The following RHCG variants were observed in gnomAD, a reference collection of about 807,000 sequenced individuals.
RHCG encodes the protein Rh family C glycoprotein.
A neutral mutation model predicts 55.3 loss-of-function variants in RHCG; 39 were observed. The ratio of observed to expected loss-of-function variants is 0.70; its 90% CI spans 0.55 to 0.92. RHCG has a LOEUF of 0.92. Ranked by LOEUF, RHCG falls within the 40% of genes least tolerant of loss-of-function variation. The pLI is 0.00. For synonymous variants in RHCG, 250 were observed against 246.8 expected, an observed-to-expected ratio of 1.01 and a Z score of -0.12; for missense variants, 635 against 627.9, an observed-to-expected ratio of 1.01 and a Z score of -0.12.
chr15:89,486,698 G>A (rs1961376833), intron 2 of RHCG, 101 bp downstream of exon 2: 1 of 1,225,202 alleles, frequency 8.2e-7, no homozygotes, highest in Admixed American at 2.1e-5. Context: ...CCAGCCTCAA[G>A]CCCGGGTCCC....
chr15:89,487,975 C>A (rs536229522), intron 1 of RHCG, among the ~76,000 whole-genome samples: 2 of 152,294 alleles, frequency 1.3e-5, no homozygotes, highest in African/African-American at 4.8e-5. Flanking sequence ...ATCTTAACTG[C>A]CCTCTCAGCG....
intron 9 of RHCG, among the ~76,000 whole-genome samples, chr15:89,473,967 T>C (rs1225788980): frequency 6.6e-6 from 1 of 152,232 alleles, no homozygotes; most frequent in Admixed American, 6.5e-5. Context: ...TGGTTTCTAA[T>C]TGTGGTGTCT....
chr15:89,491,971 G>T (rs12440073), intron 1 of RHCG, among the ~76,000 whole-genome samples: 2,914 of 152,246 alleles, frequency 0.019, 59 homozygotes, highest in African/African-American at 0.042. Context: ...AAAGCCCTAT[G>T]CGAAGGCAGC....
chr15:89,476,557 C>T (rs1961152856), intron 9 of RHCG, among the ~76,000 whole-genome samples, 198 bp downstream of exon 9: 1 of 152,216 alleles, frequency 6.6e-6, no homozygotes, highest in South Asian at 2.1e-4. Flanking sequence ...ACATCACCCA[C>T]TCCAAGCCCT....
chr15:89,486,891 G>A lies in RHCG; in HGVS notation c.279C>T (p.Phe93=), dbSNP rs377472795. Residue 93 remains phenylalanine (F), a synonymous_variant, in exon 2 of 11, where the codon TTC becomes TTT. Transcript: ENST00000268122. ...RYGFSAVGFN[F]LLAAFGIQWA... ...ACTGGATGCCGAAGGCTGCCAACAG[G>A]AAGTTGAAGCCCACGGCGCTGAAGC... 6.2e-7 allele frequency: 1 copy of A among 1,613,030 alleles called. No homozygotes were observed. Among genetic ancestry groups the A allele is most frequent in the African/African-American group, 1.3e-5 (1 of 75,044 alleles).
chr15:89,472,418 A>C (rs1961055670), intron 10 of RHCG, among the ~76,000 whole-genome samples: 1 of 152,180 alleles, frequency 6.6e-6, no homozygotes, highest in Admixed American at 6.5e-5. Flanking sequence ...TCTCAAAGTC[A>C]CACACCAGCA....
intron 4 of RHCG, 50 bp from the exon 5 acceptor site, chr15:89,479,538 A>ACAGCC: frequency 6.6e-7 from 1 of 1,508,984 alleles, no homozygotes; most frequent in Non-Finnish European, 9.0e-7. Flanking sequence ...GGCATTAGAT[A>ACAGCC]CAGCCCCACA....
chr15:89,477,484 AG>A lies in RHCG; in HGVS notation c.1112+32del, dbSNP rs749280857. 6.2e-7 allele frequency: 1 copy of A among 1,610,382 alleles called. No individual in the cohort carries two copies. ...GAAGGGATGGGAGAAGGAAGGGGGA[AG>A]CTCCATCCCACCGCACCTCCTCCAC... On this transcript the variant is annotated intron_variant, in intron 7 of 10. Transcript: ENST00000268122. The surrounding 1 kb of genome is among the most constrained non-coding windows in gnomAD (Gnocchi z 4.5).
At chr15:89,473,983 A>G (rs1167677886) in intron 9 of RHCG, among the ~76,000 whole-genome samples, 1 of 152,252 alleles carries the variant, frequency 6.6e-6, no homozygotes. Context: ...TGTCTAAAAT[A>G]GTTTAAGTTC....
intron 9 of RHCG, among the ~76,000 whole-genome samples, chr15:89,476,093 A>G (rs1961145014): frequency 7.2e-6 from 1 of 139,660 alleles, no homozygotes; most frequent in African/African-American, 2.8e-5. Context: ...CTCTCTCGGG[A>G]TCTTGCTCTA....
At chr15:89,484,093 G>A (rs1424799378) in intron 2 of RHCG, among the ~76,000 whole-genome samples, 2 of 152,126 alleles carry the variant, frequency 1.3e-5, no homozygotes, top group African/African-American at 4.8e-5. Context: ...GTGGGTGGGG[G>A]GTCTGTCACA....
intron 9 of RHCG, among the ~76,000 whole-genome samples, chr15:89,476,267 C>G (rs1290963179): frequency 6.6e-6 from 1 of 152,094 alleles, no homozygotes; most frequent in African/African-American, 2.4e-5. Context: ...ACAGAGTCTC[C>G]CTATGTTGCC....
rs933447567 is a variant in RHCG, at chr15:89,480,195, T to G, written c.670+66A>C. 35 of 1,599,800 alleles carry G rather than the reference T, an allele frequency of 2.2e-5. No individual in the cohort carries two copies. In the African/African-American group the frequency reaches 4.4e-4, roughly 20 times the overall value. Reference sequence around the variant, plus strand: ...CATGGTGGCCTTCACCCATCATGGCTGCCTTCACCCATCATGGCCACCTTC... The same window carrying G: ...CATGGTGGCCTTCACCCATCATGGCGGCCTTCACCCATCATGGCCACCTTC... On this transcript the variant is annotated intron_variant, in intron 4 of 10. Transcript: ENST00000268122.
intron 1 of RHCG, among the ~76,000 whole-genome samples, chr15:89,491,973 G>A (rs979111791): frequency 1.3e-5 from 2 of 152,176 alleles, no homozygotes; most frequent in Non-Finnish European, 2.9e-5. Flanking sequence ...AGCCCTATGC[G>A]AAGGCAGCTG....
intron 9 of RHCG, among the ~76,000 whole-genome samples, chr15:89,473,324 G>C (rs1002552889): frequency 5.3e-5 from 8 of 152,138 alleles, no homozygotes; most frequent in Admixed American, 1.3e-4. Flanking sequence ...TGCAGGGAAG[G>C]CCAGAAGTGG....
chr15:89,473,312 G>T (rs1469775288), intron 9 of RHCG, among the ~76,000 whole-genome samples: 2 of 152,180 alleles, frequency 1.3e-5, no homozygotes, highest in Non-Finnish European at 2.9e-5. Flanking sequence ...GGGTGGGGAA[G>T]GTGCAGGGAA....
intron 3 of RHCG, among the ~76,000 whole-genome samples, chr15:89,482,004 G>T (rs965028583): frequency 7.9e-5 from 12 of 152,220 alleles, no homozygotes; most frequent in African/African-American, 2.9e-4. Context: ...GTTTCGCCAT[G>T]TTGGCCAGGC....
At chr15:89,476,606 C>T in intron 9 of RHCG, 149 bp downstream of exon 9, 1 of 657,572 alleles carries the variant, frequency 1.5e-6, no homozygotes, top group Non-Finnish European at 2.7e-6. Flanking sequence ...CCATGAGACA[C>T]AGCCTCCCCC....
At chr15:89,485,341 T>C (rs17807856) in intron 2 of RHCG, among the ~76,000 whole-genome samples, 46,440 of 152,152 alleles carry the variant, frequency 0.31, 7,892 homozygotes, top group Admixed American at 0.36. Context: ...GATATGCATG[T>C]CAAGGGTCTT....
Sources: allele counts gnomAD v4.1 joint callset (sites outside exome capture counted in the v4.1 genomes callset), GRCh38; gene constraint gnomAD v4.1.1; non-coding constraint Gnocchi (gnomAD v3.1); transcripts MANE v1.5; gene names NCBI Gene and HGNC (gene_info 2026-07-23, HGNC 2026-07-21).